TTF2: variants seen among roughly 807,000 people sequenced by gnomAD.
TTF2 encodes RNA polymerase II termination factor.
TTF2 carries 108 observed loss-of-function variants against 142.4 expected under a neutral mutation model. That is an observed-to-expected ratio of 0.76 (90% CI 0.65 to 0.89). The LOEUF (loss-of-function observed/expected upper bound fraction) is 0.89, where lower values mean the gene tolerates loss of function less well. Among genes scored for constraint, TTF2 ranks in the 40% least tolerant of loss-of-function variants. The pLI is 0.00. For synonymous variants in TTF2, 483 were observed against 506.2 expected, an observed-to-expected ratio of 0.95 and a Z score of 0.61; for missense variants, 1,327 against 1,379.8, an observed-to-expected ratio of 0.96 and a Z score of 0.61.
chr1:117,076,550 G>T lies in TTF2; in HGVS notation c.1391-91G>T. On this transcript the variant is annotated intron_variant, in intron 6 of 22. Transcript: ENST00000369466. This position sits in a 1 kb window ranked among gnomAD's most constrained non-coding sequence, Gnocchi z 4.6. ...AGGAATCCTTCATCGGAATGGTGAT[G>T]ATCCCTCTCTCTTGACCTCACCTCC... 1 of 1,347,976 alleles carries T rather than the reference G, an allele frequency of 7.4e-7. No individual in the cohort carries two copies. Among genetic ancestry groups the T allele is most frequent in the Non-Finnish European group, 1.0e-6 (1 of 986,130 alleles). The allele number at this position is 1,347,976 out of a possible 1,614,324, so 83.5% of individuals were successfully genotyped here.
At position 117,075,064 on chromosome 1, in the gene TTF2, T is replaced by C. The variant is rs142152362; in HGVS notation, c.480T>C (p.Asp160=). ...ATAAGAAGCAAAGAGAAAAGGGAGA[T>C]CAGCTTTTCGATCAAAAGAAAGAAC... ...KADKKQREKG[D]QLFDQKKEQK... Residue 160 remains aspartate, a synonymous_variant, in exon 5 of 23, where the codon GAT becomes GAC. Coordinates refer to ENST00000369466, the MANE Select transcript of TTF2 (RefSeq NM_003594.4). This position sits in a 1 kb window ranked among gnomAD's most constrained non-coding sequence, Gnocchi z 4.5. 1.0e-4 allele frequency: 168 copies of C among 1,613,762 alleles called. No individual in the cohort carries two copies. In the African/African-American group the frequency reaches 2.0e-3, roughly 20 times the overall value.
At chr1:117,096,359 T>C in intron 20 of TTF2, 60 bp downstream of exon 20, 2 of 1,566,638 alleles carry the variant, frequency 1.3e-6, no homozygotes, top group Non-Finnish European at 1.7e-6. Flanking sequence ...CAAAGAGAAT[T>C]CTTTTTGTTT....
chr1:117,091,817 T>C lies in TTF2; in HGVS notation c.2672T>C (p.Val891Ala), dbSNP rs746063529. ...TGTGGCTTGTCTTCCCTCTTGGAAGTGGCACTGGAGTTTGGGTCTGAGGAG... is the reference window on the plus strand; with the variant it reads ...TGTGGCTTGTCTTCCCTCTTGGAAGCGGCACTGGAGTTTGGGTCTGAGGAG... ...GRSPNNPFSR[V>A]ALEFGSEEPR... Residue 891 changes from valine (V) to alanine (A), a missense_variant and splice_region_variant, in exon 17 of 23, where the codon GTG (valine) becomes GCG (alanine). Coordinates refer to ENST00000369466, the MANE Select transcript of TTF2 (RefSeq NM_003594.4). 2 of 1,612,546 alleles carry C rather than the reference T, an allele frequency of 1.2e-6. No homozygotes were observed. Among genetic ancestry groups the C allele is most frequent in the South Asian group, 2.2e-5 (2 of 90,984 alleles).
intron 3 of TTF2, among the ~76,000 whole-genome samples, chr1:117,066,964 G>C (rs1414003850): frequency 1.3e-5 from 2 of 152,028 alleles, no homozygotes; most frequent in African/African-American, 4.8e-5. Flanking sequence ...CAGCCTCCCA[G>C]AGTACTGGGA....
In TTF2 at chr1:117,101,366, T is replaced by G; in HGVS notation, c.3345-14T>G. On this transcript the variant is annotated splice_polypyrimidine_tract_variant and intron_variant, in intron 22 of 22. Transcript: ENST00000369466. This position sits in a 1 kb window ranked among gnomAD's most constrained non-coding sequence, Gnocchi z 5.9. Reference sequence around the variant, plus strand: ...TTTTTGATAGTTTGCTTATTTTTTGTTTTTGTTTTTTAGATTTGTTTGTGA... The same window carrying G: ...TTTTTGATAGTTTGCTTATTTTTTGGTTTTGTTTTTTAGATTTGTTTGTGA... 6.4e-7 allele frequency: 1 copy of G among 1,569,954 alleles called. No individual in the cohort carries two copies. Among genetic ancestry groups the G allele is most frequent in the African/African-American group, 1.4e-5 (1 of 72,598 alleles).
rs540293378 is a variant in TTF2 at position 117,078,457 on chromosome 1, G to C, written c.1701+414G>C. 3.5e-4 allele frequency among the ~76,000 whole-genome samples: 54 copies of C among 152,338 alleles called. 2 individuals carry two copies. In the South Asian group the frequency reaches 8.1e-3, roughly 23 times the overall value. ...TCAGAATAAAGGAAACATCACTCTA[G>C]GTCAGTGATTATTTGTTGTCTGCCT... On this transcript the variant is annotated intron_variant, in intron 8 of 22. Coordinates refer to ENST00000369466, the MANE Select transcript of TTF2 (RefSeq NM_003594.4).
At chr1:117,067,497 C>T (rs1448715190) in intron 3 of TTF2, among the ~76,000 whole-genome samples, 1 of 142,922 alleles carries the variant, frequency 7.0e-6, no homozygotes, top group Non-Finnish European at 1.5e-5. Context: ...TACACTCCAA[C>T]CTGGATGACA....
intron 21 of TTF2, 63 bp from the exon 22 acceptor site, chr1:117,098,770 C>T (rs533364637): frequency 1.4e-5 from 20 of 1,468,268 alleles, no homozygotes; most frequent in Middle Eastern, 1.7e-4. Context: ...GGCCCATGGC[C>T]CATAGTTTGC....
intron 3 of TTF2, among the ~76,000 whole-genome samples, chr1:117,071,559 A>G (rs1367780003): frequency 1.3e-5 from 2 of 152,218 alleles, no homozygotes; most frequent in Non-Finnish European, 2.9e-5. Context: ...CTGGGCAGAT[A>G]GGGTATGAGG....
chr1:117,070,524 C>T lies in TTF2; in HGVS notation c.219-3137C>T, dbSNP rs957824987. ...TTGACTGAAACATCATCATGCAGCA[C>T]GGGACTGTACTTATGAAATATTCTT... On this transcript the variant is annotated intron_variant, in intron 3 of 22. Transcript: ENST00000369466. This position sits in a 1 kb window ranked among gnomAD's most constrained non-coding sequence, Gnocchi z 4.2. Among the ~76,000 whole-genome samples the T allele has an allele frequency of 1.3e-5, 2 of 152,166 alleles. No individual in the cohort carries two copies. Among genetic ancestry groups the T allele is most frequent in the African/African-American group, 2.4e-5 (1 of 41,418 alleles).
chr1:117,076,950 GAGTAC>G lies in TTF2; in HGVS notation c.1573+137_1573+141del, dbSNP rs1570820551. 14 of 769,312 alleles carry G rather than the reference GAGTAC, an allele frequency of 1.8e-5. No individual in the cohort carries two copies. In the East Asian group the frequency reaches 3.3e-4, roughly 18 times the overall value. The allele number at this position is 769,312 out of a possible 1,614,324, so 47.7% of individuals were successfully genotyped here. On this transcript the variant is annotated intron_variant, in intron 7 of 22. Transcript: ENST00000369466. This position sits in a 1 kb window ranked among gnomAD's most constrained non-coding sequence, Gnocchi z 4.6. ...AGTCACCTGTGGTTCAAAAAAAGGT[GAGTAC>G]AGTACAGTAAGATATTTTGAGAGAG...
Position 117,086,892 on chromosome 1 carries a change from T to C in TTF2, c.2160+370T>C, listed in dbSNP as rs1321518902. On this transcript the variant is annotated intron_variant, in intron 12 of 22. Coordinates refer to ENST00000369466, the MANE Select transcript of TTF2 (RefSeq NM_003594.4). This position sits in a 1 kb window ranked among gnomAD's most constrained non-coding sequence, Gnocchi z 4.2. ...ATATTTATTGTGCAGACTAGTATTT[T>C]ACTACTAGTATTTTGATTTTAAGCC... Among the ~76,000 whole-genome samples the C allele has an allele frequency of 6.6e-6, 1 of 152,172 alleles. No individual in the cohort carries two copies. Among genetic ancestry groups the C allele is most frequent in the Non-Finnish European group, 1.5e-5 (1 of 68,030 alleles).
chr1:117,089,594 C>G (rs1557824634), intron 13 of TTF2, among the ~76,000 whole-genome samples: 1 of 152,018 alleles, frequency 6.6e-6, no homozygotes, highest in East Asian at 1.9e-4. Flanking sequence ...GAGGCTGAGG[C>G]AGGAGGATCG....
Position 117,104,901 on chromosome 1 carries a change from AT to A in TTF2, c.*3379del, listed in dbSNP as rs1383478560. On this transcript the variant is annotated 3_prime_UTR_variant, in exon 23 of 23. Transcript: ENST00000369466. Reference sequence around the variant, plus strand: ...ATTCTGGTATCTGTCTCAGCCTCATATTCATTTTAGTGTAAATCAGTTTCGT... The same window carrying A: ...ATTCTGGTATCTGTCTCAGCCTCATATCATTTTAGTGTAAATCAGTTTCGT... The A allele has an allele frequency of 1.3e-5, 2 of 152,164 alleles. No individual in the cohort carries two copies. The highest frequency in any genetic ancestry group is 2.9e-5 in the Non-Finnish European group (2 of 68,032). 9.4% of individuals were successfully genotyped at this position (152,164 alleles called of 1,614,324 possible).
chr1:117,094,166 C>G (rs968713896), intron 18 of TTF2, among the ~76,000 whole-genome samples: 6 of 152,198 alleles, frequency 3.9e-5, no homozygotes, highest in Non-Finnish European at 7.3e-5. Flanking sequence ...AAAGCAGCCC[C>G]ATGTGGTGAC....
rs1164613524 is a variant in TTF2 at position 117,063,342 on chromosome 1, C to T, written c.218+869C>T. Among the ~76,000 whole-genome samples, 2 of 152,072 alleles carry T rather than the reference C, an allele frequency of 1.3e-5. No homozygotes were observed. Among genetic ancestry groups the T allele is most frequent in the East Asian group, 3.8e-4 (2 of 5,196 alleles). On this transcript the variant is annotated intron_variant, in intron 3 of 22. Coordinates refer to ENST00000369466, the MANE Select transcript of TTF2 (RefSeq NM_003594.4). This position sits in a 1 kb window ranked among gnomAD's most constrained non-coding sequence, Gnocchi z 4.1. The stretch of plus-strand genomic sequence containing the variant: ...TGTACCTGCTCATAAAACCAAGATC[C>T]GAGTCAAAATATTACCCCAATAAGT...
chr1:117,063,133 A>T lies in TTF2; in HGVS notation c.218+660A>T, dbSNP rs1403367902. On this transcript the variant is annotated intron_variant, in intron 3 of 22. Coordinates refer to ENST00000369466, the MANE Select transcript of TTF2 (RefSeq NM_003594.4). This position sits in a 1 kb window ranked among gnomAD's most constrained non-coding sequence, Gnocchi z 4.1. The stretch of plus-strand genomic sequence containing the variant: ...GGATGTGATAGATGGTCTTTGTGTG[A>T]TATTCTATGCACTTCATAATTTATA... Among the ~76,000 whole-genome samples the T allele has an allele frequency of 6.6e-6, 1 of 152,178 alleles. No homozygotes were observed. Among genetic ancestry groups the T allele is most frequent in the Non-Finnish European group, 1.5e-5 (1 of 68,048 alleles).
chr1:117,097,334 T>A lies in TTF2; in HGVS notation c.3187-17T>A. The A allele has an allele frequency of 6.2e-7, 1 of 1,613,358 alleles. No homozygotes were observed. The highest frequency in any genetic ancestry group is 8.5e-7 in the Non-Finnish European group (1 of 1,179,244). On this transcript the variant is annotated splice_polypyrimidine_tract_variant and intron_variant, in intron 20 of 22. Coordinates refer to ENST00000369466, the MANE Select transcript of TTF2 (RefSeq NM_003594.4). This position sits in a 1 kb window ranked among gnomAD's most constrained non-coding sequence, Gnocchi z 4.1. The stretch of plus-strand genomic sequence containing the variant: ...GACCAAGTCTGTTTAAAGTTAATGT[T>A]GTGTTTCCTTTTGAAGGTAATGCTA...
chr1:117,072,762 A>G (rs1053166596), intron 3 of TTF2, among the ~76,000 whole-genome samples: 2 of 152,128 alleles, frequency 1.3e-5, no homozygotes, highest in African/African-American at 4.8e-5. Flanking sequence ...TGTATGTTTT[A>G]GAGAAGGGAG....
Sources: gnomAD v4.1 joint callset for allele counts (sites outside exome capture counted in the v4.1 genomes callset) on GRCh38, gnomAD v4.1.1 for gene constraint, Gnocchi (gnomAD v3.1) non-coding constraint, MANE v1.5 for transcripts, NCBI Gene and HGNC (gene_info 2026-07-23, HGNC 2026-07-21) for gene names.